CTNND2: variants seen among roughly 807,000 people sequenced by gnomAD.
The protein encoded by CTNND2 is catenin delta 2.
In CTNND2, 22 loss-of-function variants were observed where a neutral mutation model predicts 144.4. The ratio of observed to expected loss-of-function variants is 0.15; its 90% CI spans 0.11 to 0.22. The LOEUF (loss-of-function observed/expected upper bound fraction) is 0.22, where lower values mean the gene tolerates loss of function less well. Among genes scored for constraint, CTNND2 ranks in the 10% least tolerant of loss-of-function variants. The probability of loss-of-function intolerance (pLI) is 1.00; values close to 1 mark genes in which losing one functional copy is unlikely to be tolerated. For missense variants in CTNND2, 1,353 were observed against 1,618.8 expected (o/e 0.84, Z 2.82); for synonymous variants, 751 against 695.6 (o/e 1.08, Z -1.25).
At chr5:11,171,045 G>A (rs150114038) in intron 11 of CTNND2, among the ~76,000 whole-genome samples, 1 of 152,170 alleles carries the variant, frequency 6.6e-6, no homozygotes, top group African/African-American at 2.4e-5. Flanking sequence ...CCCATGACAT[G>A]TGGGGATTCT....
At chr5:11,836,600 A>C (rs1179032360) in intron 1 of CTNND2, among the ~76,000 whole-genome samples, 1 of 152,150 alleles carries the variant, frequency 6.6e-6, no homozygotes, top group Admixed American at 6.5e-5. Flanking sequence ...GAAATGAAGT[A>C]CCCATAAAGA....
At chr5:11,611,351 ATAT>A (rs1367034333) in intron 2 of CTNND2, among the ~76,000 whole-genome samples, 1 of 152,202 alleles carries the variant, frequency 6.6e-6, no homozygotes, top group Non-Finnish European at 1.5e-5. Flanking sequence ...TACTGTAGAA[ATAT>A]TCTAACAGCA....
chr5:11,487,865 C>G (rs768003305), intron 3 of CTNND2, among the ~76,000 whole-genome samples: 22 of 152,048 alleles, frequency 1.4e-4, no homozygotes, highest in Non-Finnish European at 2.5e-4. Flanking sequence ...GCAAAGACTA[C>G]GGATCAGTGG....
intron 11 of CTNND2, 93 bp from the exon 12 acceptor site, chr5:11,159,852 G>A (rs916461006): frequency 2.4e-5 from 25 of 1,026,836 alleles, no homozygotes; most frequent in Non-Finnish European, 3.1e-5. Flanking sequence ...GGAACTGGCA[G>A]GAAGGATGAA....
chr5:11,264,084 T>G (rs958598762), intron 9 of CTNND2, among the ~76,000 whole-genome samples: 5 of 152,262 alleles, frequency 3.3e-5, no homozygotes, highest in African/African-American at 9.6e-5. Context: ...TTCTTAGTTC[T>G]GGCCATCAGA....
At chr5:11,184,422 T>G (rs1360900849) in intron 11 of CTNND2, among the ~76,000 whole-genome samples, 1 of 152,156 alleles carries the variant, frequency 6.6e-6, no homozygotes, top group Non-Finnish European at 1.5e-5. Context: ...GAATTGCACT[T>G]ATGAATTAAA....
chr5:11,484,338 C>T (rs537215141), intron 3 of CTNND2, among the ~76,000 whole-genome samples: 27 of 152,324 alleles, frequency 1.8e-4, no homozygotes, highest in African/African-American at 6.5e-4. Flanking sequence ...CTGGCTTCCA[C>T]AGCACTATGA....
At chr5:11,401,596 T>C (rs897720203) in intron 5 of CTNND2, among the ~76,000 whole-genome samples, 15 of 152,152 alleles carry the variant, frequency 9.9e-5, no homozygotes, top group African/African-American at 2.7e-4. Flanking sequence ...TAATGACCAG[T>C]TAACCTTTTT....
chr5:11,520,163 A>G lies in CTNND2; in HGVS notation c.287+44781T>C, dbSNP rs113633529. 8.2e-3 allele frequency among the ~76,000 whole-genome samples: 1,245 copies of G among 151,900 alleles called. 27 individuals carry two copies. The highest frequency in any genetic ancestry group is 0.028 in the African/African-American group (1,181 of 41,458). On this transcript the variant is annotated intron_variant, in intron 3 of 21. Transcript: ENST00000304623. ...ACTCTGTCTTGGAAAAAAAAAAAAA[A>G]AAAGAAAGAAAATAAAAGAAAAAGA...
chr5:11,037,329 C>G (rs562972397), intron 16 of CTNND2, among the ~76,000 whole-genome samples: 44 of 152,294 alleles, frequency 2.9e-4, no homozygotes, highest in African/African-American at 1.1e-3. Flanking sequence ...CCTAAATACC[C>G]CTGCCAAAAC....
chr5:11,464,194 ATTCT>A (rs1561432592), intron 3 of CTNND2, among the ~76,000 whole-genome samples: 1 of 152,228 alleles, frequency 6.6e-6, no homozygotes, highest in Non-Finnish European at 1.5e-5. Flanking sequence ...ACAGACAAAA[ATTCT>A]TCCATTTGTA....
intron 3 of CTNND2, among the ~76,000 whole-genome samples, chr5:11,555,709 T>TA (rs56958940): frequency 0.51 from 76,331 of 150,248 alleles, 19,642 homozygotes; most frequent in Middle Eastern, 0.62. Context: ...AGAATTAAAA[T>TA]AAAAAAAAAC....
intron 16 of CTNND2, among the ~76,000 whole-genome samples, chr5:11,048,396 T>G (rs1280165362): frequency 6.6e-6 from 1 of 152,228 alleles, no homozygotes; most frequent in African/African-American, 2.4e-5. Flanking sequence ...TGTGATATTG[T>G]TTTATTTCCC....
intron 6 of CTNND2, among the ~76,000 whole-genome samples, chr5:11,391,676 C>A (rs1759637967): frequency 6.6e-6 from 1 of 152,232 alleles, no homozygotes; most frequent in East Asian, 1.9e-4. Context: ...TAAATAAAAT[C>A]ATCCAGGGCC....
chr5:11,736,001 C>T (rs1216116003), intron 1 of CTNND2, among the ~76,000 whole-genome samples: 1 of 152,048 alleles, frequency 6.6e-6, no homozygotes, highest in African/African-American at 2.4e-5. Flanking sequence ...GGCTCTGAGC[C>T]AGTATTCTTA....
chr5:11,008,138 T>C (rs1475874419), intron 18 of CTNND2, among the ~76,000 whole-genome samples: 1 of 152,038 alleles, frequency 6.6e-6, no homozygotes, highest in Non-Finnish European at 1.5e-5. Context: ...ACTTTGATCA[T>C]TACACTCAGG....
intron 11 of CTNND2, among the ~76,000 whole-genome samples, chr5:11,195,291 C>T (rs186052306): frequency 1.1e-4 from 16 of 152,190 alleles, no homozygotes; most frequent in African/African-American, 3.9e-4. Context: ...ATCTAGTAAA[C>T]ATCACTCATG....
intron 11 of CTNND2, among the ~76,000 whole-genome samples, chr5:11,189,006 CT>C (rs1735970512): frequency 2.0e-5 from 3 of 152,182 alleles, no homozygotes; most frequent in Admixed American, 2.0e-4. Flanking sequence ...AGTTTATTGT[CT>C]GTCTTGTCCA....
At chr5:11,240,739 C>G (rs1742296214) in intron 9 of CTNND2, among the ~76,000 whole-genome samples, 1 of 148,432 alleles carries the variant, frequency 6.7e-6, no homozygotes, top group Non-Finnish European at 1.5e-5. Flanking sequence ...AGCACACACA[C>G]ACCCAACACA....
Sources: gnomAD v4.1 joint callset for allele counts (sites outside exome capture counted in the v4.1 genomes callset) on GRCh38, gnomAD v4.1.1 for gene constraint, MANE v1.5 for transcripts, NCBI Gene and HGNC (gene_info 2026-07-23, HGNC 2026-07-21) for gene names.